The following C3orf20 variants were observed in gnomAD, a reference collection of about 807,000 sequenced individuals.
C3orf20 encodes uncharacterized protein C3orf20.
C3orf20 carries 76 observed loss-of-function variants against 88.3 expected under a neutral mutation model. The observed-to-expected ratio is 0.86, with a 90% CI of 0.72 to 1.04. C3orf20 has a LOEUF of 1.04. Among genes scored for constraint, C3orf20 ranks in the 50% least tolerant of loss-of-function variants. The pLI, the probability that C3orf20 is intolerant of heterozygous loss-of-function variation, is 0.00. For synonymous variants in C3orf20, 436 were observed against 437.4 expected (o/e 1.00, Z 0.04); for missense variants, 1,056 against 1,123.3 (o/e 0.94, Z 0.86).
chr3:14,754,966 C>G (rs2035320319), intron 12 of C3orf20, among the ~76,000 whole-genome samples: 1 of 152,158 alleles, frequency 6.6e-6, no homozygotes, highest in Non-Finnish European at 1.5e-5. Flanking sequence ...CTCAAGTGAT[C>G]CTCCTGCCTC....
Position 14,698,334 on chromosome 3 carries a change from G to A in C3orf20, c.746-4796G>A, listed in dbSNP as rs150775488. Among the ~76,000 whole-genome samples, 21 of 152,366 alleles carry A rather than the reference G, an allele frequency of 1.4e-4. 1 individual carries two copies. Among genetic ancestry groups the A allele is most frequent in the African/African-American group, 5.1e-4 (21 of 41,582 alleles). ...GTCTTCCTGGATGGTCTTAATGCCT[G>A]TGGATGTTCATCAGTGTCTGGGCAT... On this transcript the variant is annotated intron_variant, in intron 5 of 16. Transcript: ENST00000253697.
chr3:14,762,947 C>A (rs76998806), intron 15 of C3orf20, among the ~76,000 whole-genome samples: 6,700 of 152,228 alleles, frequency 0.044, 213 homozygotes, highest in East Asian at 0.15. Flanking sequence ...AAGGCAGGCC[C>A]AGGAGGAGCC....
At chr3:14,690,756 G>A (rs1031765149) in intron 5 of C3orf20, among the ~76,000 whole-genome samples, 4 of 152,236 alleles carry the variant, frequency 2.6e-5, no homozygotes, top group Non-Finnish European at 5.9e-5. Context: ...GAACTCCCAG[G>A]CCCACCCTGC....
chr3:14,712,301 A>G (rs548262548), intron 7 of C3orf20, among the ~76,000 whole-genome samples: 21 of 152,236 alleles, frequency 1.4e-4, no homozygotes, highest in African/African-American at 4.8e-4. Context: ...GGCAACCACC[A>G]GAAACTACAA....
chr3:14,759,976 C>G lies in C3orf20; in HGVS notation c.2330C>G (p.Ser777Cys), dbSNP rs768844666. Residue 777 changes from serine (S) to cysteine (C), a missense_variant, in exon 14 of 17, where the codon TCT becomes TGT. By Grantham distance (112) the Ser-to-Cys change is moderately radical. Coordinates refer to ENST00000253697, the MANE Select transcript of C3orf20 (RefSeq NM_032137.5). ...EDPPLMVKKN[S>C]VVQGMILMFA... ...CCTCCCCTGATGGTGAAGAAGAACT[C>G]TGTGGTGCAGGGGATGATTCTGGTG... 6.2e-7 allele frequency: 1 copy of G among 1,613,942 alleles called. No homozygotes were observed. Among genetic ancestry groups the G allele is most frequent in the African/African-American group, 1.3e-5 (1 of 74,932 alleles).
rs1193496004 is a variant in C3orf20 at position 14,772,616 on chromosome 3, TAGG to T, written c.2631-172_2631-170del. On this transcript the variant is annotated intron_variant, in intron 16 of 16. Coordinates refer to ENST00000253697, the MANE Select transcript of C3orf20 (RefSeq NM_032137.5). This position sits in a 1 kb window ranked among gnomAD's most constrained non-coding sequence, Gnocchi z 4.2. ...TCTCATGAAGATAGAAAAGCAAAAT[TAGG>T]AGCATGTAGAAAGGTCGCAGGTGCC... Among the ~76,000 whole-genome samples, 1 of 152,156 alleles carries T rather than the reference TAGG, an allele frequency of 6.6e-6. No individual in the cohort carries two copies. Among genetic ancestry groups the T allele is most frequent in the Non-Finnish European group, 1.5e-5 (1 of 68,030 alleles).
intron 14 of C3orf20, among the ~76,000 whole-genome samples, chr3:14,760,268 A>G (rs1179811087): frequency 6.6e-6 from 1 of 152,176 alleles, no homozygotes; most frequent in Non-Finnish European, 1.5e-5. Flanking sequence ...AGCAAATCAA[A>G]TTCCCTTCAT....
chr3:14,704,235 G>C, intron 6 of C3orf20, 102 bp from the exon 7 acceptor site: 1 of 1,218,664 alleles, frequency 8.2e-7, no homozygotes, highest in Non-Finnish European at 1.2e-6. Flanking sequence ...GGGGACAGGG[G>C]AATGGGATAG....
rs2034431763 is a variant in C3orf20 at position 14,728,424 on chromosome 3, A to G, written c.1691-15A>G. 3 of 1,613,176 alleles carry G rather than the reference A, an allele frequency of 1.9e-6. No individual in the cohort carries two copies. The highest frequency in any genetic ancestry group is 1.1e-5 in the South Asian group (1 of 91,052). On this transcript the variant is annotated splice_polypyrimidine_tract_variant and intron_variant, in intron 11 of 16. Transcript: ENST00000253697. ...GCCATGAAGGGAAAATGACAGCAGC[A>G]TCTTCTGTTAACAGGTCTGTTTACC... is the stretch of plus-strand genomic sequence containing the variant.
rs186699728 is a variant in C3orf20, at chr3:14,701,800, C to T, written c.746-1330C>T. Among the ~76,000 whole-genome samples the T allele has an allele frequency of 1.9e-3, 282 of 152,320 alleles. 2 individuals are homozygous for T. The highest frequency in any genetic ancestry group is 0.016 in the Admixed American group (248 of 15,298). On this transcript the variant is annotated intron_variant, in intron 5 of 16. Transcript: ENST00000253697. This position sits in a 1 kb window ranked among gnomAD's most constrained non-coding sequence, Gnocchi z 4.6. ...AGGGCCGTCCAGCCCTGGAAATGCT[C>T]TCTTTTCCTGGAACCCGGGGAGACA...
chr3:14,722,036 T>C (rs2034183579), intron 10 of C3orf20: 2 of 429,208 alleles, frequency 4.7e-6, no homozygotes, highest in Non-Finnish European at 4.2e-6. Flanking sequence ...AAAAAGAATA[T>C]AGTGGCTCAA....
At chr3:14,720,912 C>T (rs529443349) in intron 9 of C3orf20, among the ~76,000 whole-genome samples, 6 of 152,224 alleles carry the variant, frequency 3.9e-5, no homozygotes, top group Non-Finnish European at 7.3e-5. Context: ...GCGAAGCTAA[C>T]TGGCTTGTTA....
chr3:14,749,924 C>A (rs965116145), intron 12 of C3orf20, among the ~76,000 whole-genome samples: 3 of 150,596 alleles, frequency 2.0e-5, no homozygotes, highest in Non-Finnish European at 2.9e-5. Flanking sequence ...TAAAAAACGT[C>A]TTTATGCATT....
At chr3:14,760,115 G>T (rs543905184) in intron 14 of C3orf20, 117 bp downstream of exon 14, 2 of 782,584 alleles carry the variant, frequency 2.6e-6, no homozygotes, top group Non-Finnish European at 4.3e-6. Context: ...GAGGGGCTGC[G>T]GAATTATCTC....
intron 15 of C3orf20, among the ~76,000 whole-genome samples, chr3:14,769,981 G>A (rs549053411): frequency 2.0e-5 from 3 of 152,108 alleles, no homozygotes; most frequent in Admixed American, 2.0e-4. Context: ...GCTTCTTTCC[G>A]AGCCTTTTCC....
chr3:14,741,141 T>C (rs566154992), intron 12 of C3orf20, among the ~76,000 whole-genome samples: 1 of 152,354 alleles, frequency 6.6e-6, no homozygotes, highest in South Asian at 2.1e-4. Flanking sequence ...TGGGGGCAGA[T>C]GACTCTCATC....
chr3:14,681,042 T>C (rs1421823547), intron 1 of C3orf20, among the ~76,000 whole-genome samples: 2 of 152,250 alleles, frequency 1.3e-5, no homozygotes, highest in African/African-American at 4.8e-5. Flanking sequence ...TTGGGGCTCA[T>C]GTTCCTTGGA....
At chr3:14,675,981 T>G (rs2031745565) in intron 1 of C3orf20, among the ~76,000 whole-genome samples, 1 of 152,150 alleles carries the variant, frequency 6.6e-6, no homozygotes. Flanking sequence ...TGTGAGCCAC[T>G]GCACCCGGCC....
Position 14,690,024 on chromosome 3 carries a change from G to A in C3orf20, c.653G>A (p.Gly218Glu). The change falls in exon 5 of 17, where the codon GGG (glycine) becomes GAG (glutamate). Residue 218 changes from glycine (G) to glutamate (E), a missense_variant. Coordinates refer to ENST00000253697, the MANE Select transcript of C3orf20 (RefSeq NM_032137.5). ...KESLANMSAI[G>E]VNSPYQLIYH... is the part of the protein sequence containing the mutation. ...TCCCTCGCAAACATGTCCGCCATTG[G>A]GGTGAACTCGCCTTACCAGCTGATC... is the stretch of plus-strand genomic sequence containing the variant. The A allele has an allele frequency of 6.2e-7, 1 of 1,614,152 alleles. No homozygotes were observed.
Sources: allele counts gnomAD v4.1 joint callset (sites outside exome capture counted in the v4.1 genomes callset), GRCh38; gene constraint gnomAD v4.1.1; non-coding constraint Gnocchi (gnomAD v3.1); transcripts MANE v1.5; gene names NCBI Gene and HGNC (gene_info 2026-07-23, HGNC 2026-07-21).